Variants in SACM1L observed in about 807,000 individuals in gnomAD.
SACM1L encodes phosphatidylinositol-3-phosphatase SAC1.
SACM1L carries 32 observed loss-of-function variants against 89.5 expected under a neutral mutation model. The observed-to-expected ratio is 0.36, with a 90% CI of 0.27 to 0.48. The LOEUF is 0.48. SACM1L is among the 20% of genes least tolerant of loss of function. The pLI is 0.99. For synonymous variants in SACM1L, 213 were observed against 232.8 expected, an observed-to-expected ratio of 0.92 and a Z score of 0.77; for missense variants, 543 against 708.5, an observed-to-expected ratio of 0.77 and a Z score of 2.65.
chr3:45,720,525 C>T (rs970213543), intron 8 of SACM1L, among the ~76,000 whole-genome samples: 1 of 152,130 alleles, frequency 6.6e-6, no homozygotes, highest in Non-Finnish European at 1.5e-5. Context: ...CCCTTCTCTT[C>T]CTCCTTTTTT....
At chr3:45,705,049 A>C in intron 2 of SACM1L, 86 bp from the exon 3 acceptor site, 1 of 813,914 alleles carries the variant, frequency 1.2e-6, no homozygotes, top group Non-Finnish European at 2.1e-6. Flanking sequence ...GATGTAGTCA[A>C]AGTAACTATT....
chr3:45,743,805 G>T lies in SACM1L; in HGVS notation c.*136G>T. The T allele has an allele frequency of 2.4e-6, 2 of 822,104 alleles. No homozygotes were observed. Among genetic ancestry groups the T allele is most frequent in the Non-Finnish European group, 3.7e-6 (2 of 543,944 alleles). The allele number at this position is 822,104 out of a possible 1,614,324, so 50.9% of individuals were successfully genotyped here. ...AAAAGCACATCTTGTGCTCCATGCA[G>T]GATGATGACAGAATTGATCTGATGT... On this transcript the variant is annotated 3_prime_UTR_variant, in exon 20 of 20. Transcript: ENST00000389061.
At chr3:45,730,886 G>A (rs1229129245) in intron 11 of SACM1L, among the ~76,000 whole-genome samples, 1 of 152,168 alleles carries the variant, frequency 6.6e-6, no homozygotes, top group African/African-American at 2.4e-5. Context: ...AGATACGTGG[G>A]ACAGAGATGA....
chr3:45,707,535 A>T (rs188565711), intron 4 of SACM1L, among the ~76,000 whole-genome samples: 33 of 152,356 alleles, frequency 2.2e-4, no homozygotes, highest in African/African-American at 7.5e-4. Flanking sequence ...TTGAAATTGA[A>T]CATAAATGGA....
At position 45,731,356 on chromosome 3, in the gene SACM1L, C is replaced by G. The variant is rs151272349; in HGVS notation, c.977C>G (p.Ser326Cys). 1.9e-6 allele frequency: 3 copies of G among 1,613,034 alleles called. No homozygotes were observed. Among genetic ancestry groups the G allele is most frequent in the Non-Finnish European group, 2.5e-6 (3 of 1,179,348 alleles). ...GAGCAGACATTTGCAACAATGGTGT[C>G]TTCCTTGGGAAGTGGAATGATGAGG... ...PLEQTFATMV[S>C]SLGSGMMRYI... Residue 326 changes from serine (S) to cysteine (C), a missense_variant, in exon 12 of 20, where the codon TCT becomes TGT. Physicochemically the swap from Ser to Cys is moderately radical, Grantham distance 112. Transcript: ENST00000389061.
In SACM1L at chr3:45,738,768, C is replaced by T. The variant is rs753178910; in HGVS notation, c.1477-13C>T. On this transcript the variant is annotated splice_polypyrimidine_tract_variant and intron_variant, in intron 17 of 19. Transcript: ENST00000389061. ...TCACACTGAGTTTACGAATTTCTTC[C>T]TTTCTGTTCTAGGATTCCATAGACT... 9 of 1,586,372 alleles carry T rather than the reference C, an allele frequency of 5.7e-6. No individual in the cohort carries two copies. Among genetic ancestry groups the T allele is most frequent in the Non-Finnish European group, 7.8e-6 (9 of 1,155,830 alleles).
chr3:45,689,707 C>T (rs1229978460), intron 1 of SACM1L: 14 of 630,428 alleles, frequency 2.2e-5, no homozygotes, highest in Non-Finnish European at 3.9e-5. Flanking sequence ...CTTTCTCCAC[C>T]GTGCTCGGCC....
intron 19 of SACM1L, among the ~76,000 whole-genome samples, chr3:45,741,721 T>C (rs2125708297): frequency 6.6e-6 from 1 of 152,368 alleles, no homozygotes; most frequent in African/African-American, 2.4e-5. Flanking sequence ...ATTATTATTA[T>C]AGTTAGCAAA....
chr3:45,743,483 C>G, intron 19 of SACM1L, 50 bp from the exon 20 acceptor site: 1 of 1,452,670 alleles, frequency 6.9e-7, no homozygotes, highest in Non-Finnish European at 9.1e-7. Flanking sequence ...AAAACTGGGT[C>G]TGATATCAAC....
intron 2 of SACM1L, among the ~76,000 whole-genome samples, chr3:45,704,512 C>A (rs1575389481): frequency 6.6e-6 from 1 of 152,090 alleles, no homozygotes. Flanking sequence ...TGGCTGCTCT[C>A]TCAAGATAGC....
At chr3:45,713,924 T>C in intron 6 of SACM1L, 122 bp from the exon 7 acceptor site, 1 of 418,898 alleles carries the variant, frequency 2.4e-6, no homozygotes, top group East Asian at 4.0e-5. Context: ...TTAAAAATTA[T>C]ATTACCCATA....
At chr3:45,743,480 GGT>G (rs10575376) in intron 19 of SACM1L, 51 bp from the exon 20 acceptor site, 756,683 of 1,552,288 alleles carry the variant, frequency 0.49, 192,083 homozygotes, top group Non-Finnish European at 0.52. Context: ...CTGAAAACTG[GGT>G]CTGATATCAA....
intron 11 of SACM1L, among the ~76,000 whole-genome samples, chr3:45,727,348 A>G (rs900960455): frequency 6.6e-6 from 1 of 152,040 alleles, no homozygotes; most frequent in African/African-American, 2.4e-5. Context: ...CTTGATTTTT[A>G]GCTTTCTGTT....
intron 1 of SACM1L, among the ~76,000 whole-genome samples, chr3:45,692,404 G>A (rs182437816): frequency 1.3e-5 from 2 of 151,892 alleles, no homozygotes; most frequent in East Asian, 3.9e-4. Flanking sequence ...GCTCACTGCA[G>A]CCTCAGCCTC....
intron 11 of SACM1L, among the ~76,000 whole-genome samples, chr3:45,728,438 C>T (rs1169703651): frequency 1.3e-5 from 2 of 151,874 alleles, no homozygotes; most frequent in East Asian, 1.9e-4. Flanking sequence ...TTCTCATTTT[C>T]GTTTGTGTAT....
At chr3:45,691,522 C>G (rs1697987466) in intron 1 of SACM1L, among the ~76,000 whole-genome samples, 1 of 151,890 alleles carries the variant, frequency 6.6e-6, no homozygotes, top group Admixed American at 6.6e-5. Context: ...TAAGAAATAT[C>G]CATGCAAAAG....
chr3:45,726,755 T>C (rs1006609888), intron 11 of SACM1L, among the ~76,000 whole-genome samples: 2 of 152,124 alleles, frequency 1.3e-5, no homozygotes, highest in African/African-American at 4.8e-5. Context: ...TTTAGTTTGC[T>C]CTTCTTTTTC....
chr3:45,721,879 A>G (rs1000422436), intron 8 of SACM1L, 121 bp from the exon 9 acceptor site: 12 of 649,000 alleles, frequency 1.8e-5, no homozygotes, highest in African/African-American at 3.8e-5. Context: ...GTATTTTCAT[A>G]ATGACTTTTC....
intron 1 of SACM1L, among the ~76,000 whole-genome samples, chr3:45,691,492 A>C (rs1473703440): frequency 6.6e-6 from 1 of 152,220 alleles, no homozygotes; most frequent in Non-Finnish European, 1.5e-5. Flanking sequence ...ATTTTTTAAA[A>C]TGTGTCTGGA....
Sources: gnomAD v4.1 joint callset for allele counts (sites outside exome capture counted in the v4.1 genomes callset) on GRCh38, gnomAD v4.1.1 for gene constraint, MANE v1.5 for transcripts, NCBI Gene and HGNC (gene_info 2026-07-23, HGNC 2026-07-21) for gene names.